The following TMEM108 variants were observed in gnomAD, a reference collection of about 807,000 sequenced individuals.
TMEM108 encodes cancer/testis antigen 124.
TMEM108 carries 12 observed loss-of-function variants against 35.1 expected under a neutral mutation model. That is an observed-to-expected ratio of 0.34 (90% CI 0.22 to 0.55). TMEM108 has a LOEUF of 0.55. TMEM108 is among the 20% of genes least tolerant of loss of function. TMEM108 has a pLI of 0.89. For missense variants in TMEM108, 680 were observed against 753.3 expected, an observed-to-expected ratio of 0.90 and a Z score of 1.14; for synonymous variants, 287 against 308.6, an observed-to-expected ratio of 0.93 and a Z score of 0.73.
intron 2 of TMEM108, among the ~76,000 whole-genome samples, chr3:133,164,038 C>A (rs148671288): frequency 1.1e-4 from 17 of 152,264 alleles, no homozygotes; most frequent in Admixed American, 3.9e-4. Flanking sequence ...AACTTCCTAT[C>A]AAAGATACAC....
chr3:133,189,350 C>G (rs575930722), intron 2 of TMEM108, among the ~76,000 whole-genome samples: 1 of 152,102 alleles, frequency 6.6e-6, no homozygotes, highest in East Asian at 1.9e-4. Context: ...AAACATGGAC[C>G]CTCTTTAAAT....
At chr3:133,128,899 A>G (rs1944451985) in intron 2 of TMEM108, among the ~76,000 whole-genome samples, 1 of 152,136 alleles carries the variant, frequency 6.6e-6, no homozygotes, top group South Asian at 2.1e-4. Flanking sequence ...TGTTCTTCCC[A>G]TAATGTCATT....
intron 2 of TMEM108, among the ~76,000 whole-genome samples, chr3:133,218,708 C>T (rs2887629): frequency 0.32 from 47,994 of 151,808 alleles, 8,420 homozygotes; most frequent in East Asian, 0.47. Context: ...TTGAAGCATC[C>T]TTGCATCTCT....
intron 2 of TMEM108, among the ~76,000 whole-genome samples, chr3:133,208,423 T>C (rs1183637765): frequency 6.6e-6 from 1 of 152,228 alleles, no homozygotes; most frequent in African/African-American, 2.4e-5. Flanking sequence ...TTTGCCACCA[T>C]CTAGTGTTAG....
rs978576568 is a variant in TMEM108, at chr3:133,357,941, T to C, written c.41-21811T>C. Among the ~76,000 whole-genome samples the C allele has an allele frequency of 4.6e-5, 7 of 152,130 alleles. No individual in the cohort carries two copies. The South Asian group carries it at 1.5e-3, about 32-fold the overall frequency. The stretch of plus-strand genomic sequence containing the variant: ...CCCCAAAAATACTGATTAAAAAATA[T>C]AGCTTAATAATAGAAAATGAAAAAC... On this transcript the variant is annotated intron_variant, in intron 3 of 5. Coordinates refer to ENST00000321871, the MANE Select transcript of TMEM108 (RefSeq NM_023943.4).
At chr3:133,387,982 A>G in intron 4 of TMEM108, 1 of 985,390 alleles carries the variant, frequency 1.0e-6, no homozygotes, top group Non-Finnish European at 1.2e-6. Context: ...TCACAGATAC[A>G]CTTTTCCCCT....
intron 2 of TMEM108, among the ~76,000 whole-genome samples, chr3:133,125,934 A>G (rs904467163): frequency 6.6e-6 from 1 of 152,210 alleles, no homozygotes; most frequent in East Asian, 1.9e-4. Context: ...GTTTCCTTCT[A>G]TCAGTTCCTT....
At chr3:133,138,925 C>G (rs1335228639) in intron 2 of TMEM108, among the ~76,000 whole-genome samples, 1 of 151,056 alleles carries the variant, frequency 6.6e-6, no homozygotes, top group Non-Finnish European at 1.5e-5. Context: ...TAGCTCCCCA[C>G]CCCCCAACAG....
At chr3:133,327,923 T>C (rs185013265) in intron 3 of TMEM108, among the ~76,000 whole-genome samples, 220 of 152,280 alleles carry the variant, frequency 1.4e-3, no homozygotes, top group African/African-American at 5.0e-3. Flanking sequence ...CGTATCTCAG[T>C]ATTTTTCCCC....
chr3:133,133,408 T>A (rs1169325593), intron 2 of TMEM108, among the ~76,000 whole-genome samples: 10 of 152,236 alleles, frequency 6.6e-5, no homozygotes, highest in Non-Finnish European at 1.5e-4. Context: ...GTACTTTTTT[T>A]AGACATGTTA....
At chr3:133,266,362 C>G (rs1946697035) in intron 3 of TMEM108, among the ~76,000 whole-genome samples, 2 of 152,158 alleles carry the variant, frequency 1.3e-5, no homozygotes, top group Non-Finnish European at 2.9e-5. Flanking sequence ...GGACTAGTGA[C>G]TTAGAATCTT....
In TMEM108 at chr3:133,380,288, A is replaced by C. The variant is rs372699416; in HGVS notation, c.577A>C (p.Ser193Arg). ...VPPAPGGHSR[S>R]KEGQRGRNPS... ...GCCTGCACCTGGTGGCCACTCCAGGAGTAAAGAAGGACAGCGAGGACGAAA... is the reference window on the plus strand; with the variant it reads ...GCCTGCACCTGGTGGCCACTCCAGGCGTAAAGAAGGACAGCGAGGACGAAA... Residue 193 changes from serine to arginine, a missense_variant, in exon 4 of 6, where the codon AGT becomes CGT. By Grantham distance (110) the Ser-to-Arg change is moderately radical. This residue lies in a region of TMEM108 where 526 missense variants were observed against 532.1 expected (regional missense o/e 0.99). Transcript: ENST00000321871. This position sits in a 1 kb window ranked among gnomAD's most constrained non-coding sequence, Gnocchi z 5.3. 3.3e-5 allele frequency: 54 copies of C among 1,613,978 alleles called. No homozygotes were observed. Among genetic ancestry groups the C allele is most frequent in the Non-Finnish European group, 4.2e-5 (50 of 1,180,012 alleles).
At chr3:133,275,990 C>T (rs1478949812) in intron 3 of TMEM108, among the ~76,000 whole-genome samples, 3 of 152,124 alleles carry the variant, frequency 2.0e-5, no homozygotes. Context: ...TAGCCATGGA[C>T]GTGGCATTCT....
intron 3 of TMEM108, among the ~76,000 whole-genome samples, chr3:133,304,380 C>A (rs1947272403): frequency 6.6e-6 from 1 of 152,004 alleles, no homozygotes; most frequent in Admixed American, 6.6e-5. Context: ...TCAAATTTAC[C>A]CATTGTAGGT....
intron 2 of TMEM108, among the ~76,000 whole-genome samples, chr3:133,146,144 A>G (rs1944716593): frequency 6.6e-6 from 1 of 152,192 alleles, no homozygotes; most frequent in Admixed American, 6.5e-5. Context: ...CATTCCATCA[A>G]TACCTAGTTT....
At chr3:133,093,561 A>G (rs567505650) in intron 2 of TMEM108, among the ~76,000 whole-genome samples, 1 of 152,326 alleles carries the variant, frequency 6.6e-6, no homozygotes, top group African/African-American at 2.4e-5. Context: ...TTCCATAAAA[A>G]TAGAAGCATT....
intron 2 of TMEM108, among the ~76,000 whole-genome samples, chr3:133,130,407 C>A (rs999336846): frequency 6.6e-6 from 1 of 152,208 alleles, no homozygotes; most frequent in Non-Finnish European, 1.5e-5. Context: ...GGGTTAGAAT[C>A]ATCTGAAGCT....
chr3:133,052,808 G>T (rs1049582171), intron 2 of TMEM108, among the ~76,000 whole-genome samples: 2 of 152,122 alleles, frequency 1.3e-5, no homozygotes, highest in East Asian at 3.8e-4. Flanking sequence ...GTTATAGGAT[G>T]TTTGGGCTCT....
At chr3:133,149,264 G>T (rs555401997) in intron 2 of TMEM108, among the ~76,000 whole-genome samples, 3 of 152,140 alleles carry the variant, frequency 2.0e-5, no homozygotes, top group Admixed American at 6.5e-5. Flanking sequence ...TATATTTAAG[G>T]TATACACTGT....
Sources: gnomAD v4.1 joint callset for allele counts (sites outside exome capture counted in the v4.1 genomes callset) on GRCh38, gnomAD v4.1.1 for gene constraint, gnomAD v4.1.1 regional missense constraint, Gnocchi (gnomAD v3.1) non-coding constraint, MANE v1.5 for transcripts, NCBI Gene and HGNC (gene_info 2026-07-23, HGNC 2026-07-21) for gene names.